The following NCALD variants were observed in gnomAD, a reference collection of about 807,000 sequenced individuals.
NCALD encodes the protein neurocalcin delta.
In NCALD, 10 loss-of-function variants were observed where a neutral mutation model predicts 18.6. The ratio of observed to expected loss-of-function variants is 0.54; its 90% confidence interval spans 0.33 to 0.91. The LOEUF (loss-of-function observed/expected upper bound fraction) is 0.91. Ranked by LOEUF, NCALD falls within the 40% of genes least tolerant of loss-of-function variation. The probability of loss-of-function intolerance (pLI) is 0.03; values close to 1 mark genes in which losing one functional copy is unlikely to be tolerated. For synonymous variants in NCALD, 88 were observed against 87.4 expected, an observed-to-expected ratio of 1.01 and a Z score of -0.04; for missense variants, 184 against 247.6, an observed-to-expected ratio of 0.74 and a Z score of 1.72.
At chr8:101,926,860 T>G (rs150224139) in intron 2 of NCALD, among the ~76,000 whole-genome samples, 1,886 of 152,308 alleles carry the variant, frequency 0.012, 14 homozygotes, top group Non-Finnish European at 0.014. Flanking sequence ...TGTGGCCACT[T>G]TCCAGGAATG....
intron 2 of NCALD, among the ~76,000 whole-genome samples, chr8:102,000,012 C>T (rs1821389721): frequency 6.6e-6 from 1 of 152,166 alleles, no homozygotes; most frequent in Non-Finnish European, 1.5e-5. Context: ...GGGTGTATCT[C>T]ACTGGGGATT....
At chr8:101,860,059 A>C (rs1264804679) in intron 4 of NCALD, among the ~76,000 whole-genome samples, 2 of 152,212 alleles carry the variant, frequency 1.3e-5, no homozygotes, top group African/African-American at 4.8e-5. Context: ...CAAAAGCAGC[A>C]TTGTACTTAA....
chr8:101,933,079 T>C (rs748297726), intron 2 of NCALD, among the ~76,000 whole-genome samples: 6 of 152,182 alleles, frequency 3.9e-5, no homozygotes, highest in Non-Finnish European at 7.4e-5. Context: ...CTAAAAGTAG[T>C]TTGCTTGTGT....
intron 1 of NCALD, among the ~76,000 whole-genome samples, chr8:102,115,068 C>A (rs1825744387): frequency 6.6e-6 from 1 of 152,220 alleles, no homozygotes; most frequent in African/African-American, 2.4e-5. Flanking sequence ...CCACTAGCAC[C>A]ATCTTCAAAT....
At chr8:101,758,341 G>A (rs1278216319) in intron 1 of NCALD, among the ~76,000 whole-genome samples, 4 of 152,192 alleles carry the variant, frequency 2.6e-5, no homozygotes, top group East Asian at 1.9e-4. Flanking sequence ...TGACATCCCA[G>A]TCTCCACTGT....
intron 2 of NCALD, among the ~76,000 whole-genome samples, chr8:101,708,343 G>A (rs1020011223): frequency 3.3e-5 from 5 of 152,212 alleles, no homozygotes; most frequent in African/African-American, 1.2e-4. Flanking sequence ...TATCTCTTCT[G>A]TGATTTCCAC....
In NCALD at chr8:101,692,797, T is replaced by C. The variant is rs1439757908; in HGVS notation, c.478A>G (p.Arg160Gly). 39 of 1,612,726 alleles carry C rather than the reference T, an allele frequency of 2.4e-5. No individual in the cohort carries two copies. The highest frequency in any genetic ancestry group is 3.3e-5 in the Non-Finnish European group (39 of 1,178,804). The change falls in exon 3 of 4, where the codon AGA becomes GGA. Residue 160 changes from arginine to glycine, a missense_variant. By Grantham distance (125) the Arg-to-Gly change is moderately radical. Coordinates refer to ENST00000220931, the MANE Select transcript of NCALD (RefSeq NM_032041.3). ...EKIFRQMDTN[R>G]DGKLSLEEFI... Reference sequence around the variant, plus strand: ...TGTAGCCCCCGCCTCCTACCGTCTCTATTGGTGTCCATCTGGCGGAAGATC... The same window carrying C: ...TGTAGCCCCCGCCTCCTACCGTCTCCATTGGTGTCCATCTGGCGGAAGATC...
At chr8:101,914,954 C>T (rs1817924631) in intron 3 of NCALD, among the ~76,000 whole-genome samples, 1 of 152,172 alleles carries the variant, frequency 6.6e-6, no homozygotes, top group South Asian at 2.1e-4. Context: ...TTCTCAATCT[C>T]TAAATATGGG....
At chr8:102,031,473 G>A (rs1822667438) in intron 1 of NCALD, among the ~76,000 whole-genome samples, 1 of 152,166 alleles carries the variant, frequency 6.6e-6, no homozygotes, top group Admixed American at 6.5e-5. Context: ...AGGGAGGCTG[G>A]TGAAGTTCTC....
intron 1 of NCALD, among the ~76,000 whole-genome samples, chr8:102,027,643 T>C (rs1189340656): frequency 2.0e-5 from 3 of 152,206 alleles, no homozygotes; most frequent in Non-Finnish European, 4.4e-5. Flanking sequence ...TTTTTGGGTA[T>C]CTTTACAGCA....
At position 101,979,878 on chromosome 8, in the gene NCALD, C is replaced by A. The variant is rs138672710; in HGVS notation, c.-157+40359G>T. 4.6e-3 allele frequency among the ~76,000 whole-genome samples: 693 copies of A among 152,302 alleles called. 2 individuals are homozygous for A. Among genetic ancestry groups the A allele is most frequent in the African/African-American group, 0.015 (616 of 41,558 alleles). On this transcript the variant is annotated intron_variant, in intron 2 of 6. Coordinates refer to the NCALD transcript ENST00000311028. Reference sequence around the variant, plus strand: ...CCAGCCAGTCTAGATGCCCCAGAGACCCTGTTAGCTTCAAGGAAAGGTGAA... The same window carrying A: ...CCAGCCAGTCTAGATGCCCCAGAGAACCTGTTAGCTTCAAGGAAAGGTGAA...
At chr8:101,784,201 G>A (rs1812129442) in intron 1 of NCALD, among the ~76,000 whole-genome samples, 1 of 152,106 alleles carries the variant, frequency 6.6e-6, no homozygotes, top group Admixed American at 6.6e-5. Flanking sequence ...TCACTCACAT[G>A]CCTGCCAGTT....
chr8:102,050,817 T>C (rs1823423039), intron 1 of NCALD, among the ~76,000 whole-genome samples: 1 of 146,552 alleles, frequency 6.8e-6, no homozygotes, highest in Non-Finnish European at 1.5e-5. Flanking sequence ...ATTTAATCAT[T>C]TTTAATTTAA....
intron 3 of NCALD, among the ~76,000 whole-genome samples, chr8:101,910,108 A>T (rs1007685278): frequency 4.6e-5 from 7 of 152,086 alleles, no homozygotes; most frequent in African/African-American, 1.7e-4. Flanking sequence ...GAGGATAAAG[A>T]TGTCAGAGAA....
chr8:102,015,511 T>C (rs1426239310), intron 2 of NCALD, among the ~76,000 whole-genome samples: 3 of 152,200 alleles, frequency 2.0e-5, no homozygotes, highest in Non-Finnish European at 4.4e-5. Context: ...CAACCAAAAT[T>C]TTCCTTTAAG....
chr8:102,095,270 G>A (rs1208721068), intron 1 of NCALD, among the ~76,000 whole-genome samples: 3 of 152,178 alleles, frequency 2.0e-5, no homozygotes, highest in Non-Finnish European at 4.4e-5. Flanking sequence ...TGGAGTGAGG[G>A]AGGCAGGACC....
intron 4 of NCALD, among the ~76,000 whole-genome samples, chr8:101,866,694 A>G (rs1563839616): frequency 6.6e-6 from 1 of 152,254 alleles, no homozygotes; most frequent in East Asian, 1.9e-4. Context: ...TGTTATATGA[A>G]CTATCAAAAC....
intron 2 of NCALD, among the ~76,000 whole-genome samples, chr8:101,919,151 A>C (rs1586754059): frequency 6.6e-6 from 1 of 152,228 alleles, no homozygotes; most frequent in Non-Finnish European, 1.5e-5. Context: ...TATAGTCACC[A>C]AAACAGCATG....
intron 1 of NCALD, among the ~76,000 whole-genome samples, chr8:101,742,051 A>G (rs1810218933): frequency 6.6e-6 from 1 of 150,536 alleles, no homozygotes; most frequent in Non-Finnish European, 1.5e-5. Context: ...CAGGAGTTTG[A>G]GGCCAGCCTG....
Sources: allele counts gnomAD v4.1 joint callset (sites outside exome capture counted in the v4.1 genomes callset), GRCh38; gene constraint gnomAD v4.1.1; transcripts MANE v1.5; gene names NCBI Gene and HGNC (gene_info 2026-07-23, HGNC 2026-07-21).